The following TNKS variants were observed in gnomAD, a reference collection of about 807,000 sequenced individuals.
TNKS encodes tankyrase.
Under a neutral mutation model 135.8 loss-of-function variants are expected in TNKS, and 72 were observed. The ratio of observed to expected loss-of-function variants is 0.53; its 90% CI spans 0.44 to 0.64. TNKS has a LOEUF of 0.64. Ranked by LOEUF, TNKS falls within the 30% of genes least tolerant of loss-of-function variation. The pLI is 0.00. For synonymous variants in TNKS, 849 were observed against 649.3 expected, an observed-to-expected ratio of 1.31 and a Z score of -4.68; for missense variants, 1,769 against 1,674.0, an observed-to-expected ratio of 1.06 and a Z score of -0.99.
intron 9 of TNKS, 39 bp downstream of exon 9, chr8:9,708,531 T>A: frequency 6.8e-7 from 1 of 1,474,144 alleles, no homozygotes; most frequent in Non-Finnish European, 9.0e-7. Flanking sequence ...GTGTCTATAA[T>A]AATAACGTAA....
At chr8:9,680,505 T>C (rs977115503) in intron 4 of TNKS, among the ~76,000 whole-genome samples, 2 of 152,130 alleles carry the variant, frequency 1.3e-5, no homozygotes, top group Non-Finnish European at 2.9e-5. Context: ...AACAAAAATG[T>C]AGAAAGCTAT....
chr8:9,666,621 G>T (rs2128790618), intron 3 of TNKS, among the ~76,000 whole-genome samples: 1 of 152,002 alleles, frequency 6.6e-6, no homozygotes, highest in African/African-American at 2.4e-5. Context: ...TCGAGAGGAT[G>T]AGGCACAAGA....
chr8:9,674,315 T>C (rs560416190), intron 3 of TNKS, among the ~76,000 whole-genome samples: 1 of 152,324 alleles, frequency 6.6e-6, no homozygotes, highest in East Asian at 1.9e-4. Flanking sequence ...GTGGCAGAGC[T>C]AGAACTCATT....
intron 1 of TNKS, chr8:9,575,326 C>G (rs1267085125): frequency 1.1e-6 from 1 of 874,356 alleles, no homozygotes; most frequent in Non-Finnish European, 1.4e-6. Flanking sequence ...ACCTCGTGAT[C>G]CGCCTGCTTC....
Position 9,620,818 on chromosome 8 carries a change from G to A in TNKS, c.994+5141G>A, listed in dbSNP as rs116670973. Reference sequence around the variant, plus strand: ...CATCAGCCTATTTGATTTCCTTCATGGATTTATTGGTATCTGGCATTGCAT... The same window carrying A: ...CATCAGCCTATTTGATTTCCTTCATAGATTTATTGGTATCTGGCATTGCAT... On this transcript the variant is annotated intron_variant, in intron 3 of 26. Coordinates refer to ENST00000310430, the MANE Select transcript of TNKS (RefSeq NM_003747.3). 2.2e-3 allele frequency among the ~76,000 whole-genome samples: 330 copies of A among 152,286 alleles called. 1 individual carries two copies. The highest frequency in any genetic ancestry group is 7.6e-3 in the African/African-American group (315 of 41,562).
intron 3 of TNKS, among the ~76,000 whole-genome samples, chr8:9,637,186 A>G (rs1441475507): frequency 6.6e-6 from 1 of 152,232 alleles, no homozygotes; most frequent in Non-Finnish European, 1.5e-5. Flanking sequence ...AATTAATTAG[A>G]CAGGAAATCA....
At chr8:9,635,125 G>C (rs551087661) in intron 3 of TNKS, among the ~76,000 whole-genome samples, 2 of 151,454 alleles carry the variant, frequency 1.3e-5, no homozygotes, top group Non-Finnish European at 2.9e-5. Context: ...AGCCGAGACC[G>C]CGCCACTGCA....
At chr8:9,671,073 G>T (rs753125980) in intron 3 of TNKS, 3 of 152,138 alleles carry the variant, frequency 2.0e-5, no homozygotes, top group Non-Finnish European at 4.4e-5. Flanking sequence ...ATCTGCAGTG[G>T]TGAAATTGTG....
At chr8:9,603,734 C>A (rs191220405) in intron 2 of TNKS, among the ~76,000 whole-genome samples, 16 of 152,284 alleles carry the variant, frequency 1.1e-4, no homozygotes, top group Non-Finnish European at 2.1e-4. Flanking sequence ...AAGTGAATGT[C>A]ACCGCTCATT....
At chr8:9,679,624 A>T (rs1802686132) in intron 3 of TNKS, 1 of 251,016 alleles carries the variant, frequency 4.0e-6, no homozygotes, top group East Asian at 7.5e-5. Flanking sequence ...TGAATAGAGA[A>T]AAGGGGGGAG....
intron 11 of TNKS, among the ~76,000 whole-genome samples, chr8:9,719,516 A>G (rs150445116): frequency 7.8e-4 from 119 of 152,336 alleles, no homozygotes; most frequent in African/African-American, 2.8e-3. Context: ...ATTGACATAG[A>G]TGTTCAGAAA....
At chr8:9,716,948 T>C (rs2128811279) in intron 11 of TNKS, among the ~76,000 whole-genome samples, 1 of 151,056 alleles carries the variant, frequency 6.6e-6, no homozygotes, top group South Asian at 2.1e-4. Context: ...GCTTGTTGAG[T>C]ACGAGCATTC....
intron 8 of TNKS, among the ~76,000 whole-genome samples, chr8:9,708,105 T>C (rs1388178811): frequency 4.6e-5 from 7 of 152,160 alleles, no homozygotes; most frequent in African/African-American, 1.7e-4. Context: ...AGGTTTCCTG[T>C]TTCAAAATTT....
chr8:9,660,532 C>T (rs1188703134), intron 3 of TNKS, among the ~76,000 whole-genome samples: 3 of 152,104 alleles, frequency 2.0e-5, no homozygotes, highest in African/African-American at 7.2e-5. Context: ...TGACAAAATT[C>T]AACAACCTTC....
intron 1 of TNKS, among the ~76,000 whole-genome samples, chr8:9,566,855 G>T (rs1797564951): frequency 6.6e-6 from 1 of 151,716 alleles, no homozygotes; most frequent in Admixed American, 6.6e-5. Flanking sequence ...TGATCCACCC[G>T]CCTCGGCCTC....
In TNKS at chr8:9,753,187, A is replaced by C. The variant is rs565768658; in HGVS notation, c.3153+561A>C. Among the ~76,000 whole-genome samples the C allele has an allele frequency of 4.6e-5, 7 of 152,294 alleles. No homozygotes were observed. In the East Asian group the frequency reaches 1.4e-3, roughly 29 times the overall value. On this transcript the variant is annotated intron_variant, in intron 20 of 26. Transcript: ENST00000310430. ...TTACATGTCAAAACTTAGACCATGC[A>C]ACTACCTCAAAAGAATGTTTTCATG...
chr8:9,707,077 TA>T, intron 8 of TNKS, 80 bp downstream of exon 8: 1 of 1,217,348 alleles, frequency 8.2e-7, no homozygotes, highest in Admixed American at 3.1e-5. Flanking sequence ...CCTTAAATAA[TA>T]ACCTTCCATT....
chr8:9,706,810 G>T lies in TNKS; in HGVS notation c.1270-1G>T. Reference sequence around the variant, plus strand: ...CTAAAATGTTTTTTTTCTCAATTCAGCATGGAGCTTGTGTTAATGCCATGG... The same window carrying T: ...CTAAAATGTTTTTTTTCTCAATTCATCATGGAGCTTGTGTTAATGCCATGG... On this transcript the variant is annotated splice_acceptor_variant, in intron 7 of 26. Coordinates refer to ENST00000310430, the MANE Select transcript of TNKS (RefSeq NM_003747.3). LOFTEE classifies it high-confidence loss of function. 1 of 1,602,554 alleles carries T rather than the reference G, an allele frequency of 6.2e-7. No individual in the cohort carries two copies. Among genetic ancestry groups the T allele is most frequent in the Non-Finnish European group, 8.5e-7 (1 of 1,176,748 alleles).
At chr8:9,756,851 C>T (rs1806858215) in intron 20 of TNKS, among the ~76,000 whole-genome samples, 1 of 152,206 alleles carries the variant, frequency 6.6e-6, no homozygotes, top group South Asian at 2.1e-4. Context: ...AGTTGCCTTC[C>T]CTTCCAAATC....
Sources: gnomAD v4.1 joint callset for allele counts (sites outside exome capture counted in the v4.1 genomes callset) on GRCh38, gnomAD v4.1.1 for gene constraint, MANE v1.5 for transcripts, NCBI Gene and HGNC (gene_info 2026-07-23, HGNC 2026-07-21) for gene names.